Variants in TNFRSF10A observed in about 807,000 individuals in gnomAD.
The protein encoded by TNFRSF10A is tumor necrosis factor receptor superfamily member 10A.
A neutral mutation model predicts 42.8 loss-of-function variants in TNFRSF10A; 44 were observed. The ratio of observed to expected loss-of-function variants is 1.03; its 90% CI spans 0.81 to 1.32. The LOEUF (loss-of-function observed/expected upper bound fraction) is 1.32. Ranked by LOEUF, TNFRSF10A falls within the 40% of genes most tolerant of loss-of-function variation. The probability of loss-of-function intolerance (pLI) is 0.00; values close to 1 mark genes in which losing one functional copy is unlikely to be tolerated. For synonymous variants in TNFRSF10A, 259 were observed against 234.2 expected (o/e 1.11, Z -0.97); for missense variants, 680 against 602.0 (o/e 1.13, Z -1.36).
At chr8:23,201,434 A>C (rs989557682) in intron 4 of TNFRSF10A, among the ~76,000 whole-genome samples, 7 of 152,200 alleles carry the variant, frequency 4.6e-5, no homozygotes, top group Admixed American at 2.0e-4. Context: ...TTAAATATAA[A>C]TATAACCCCA....
At chr8:23,205,618 CT>C (rs1235044174) in intron 2 of TNFRSF10A, among the ~76,000 whole-genome samples, 1 of 151,956 alleles carries the variant, frequency 6.6e-6, no homozygotes, top group Non-Finnish European at 1.5e-5. Context: ...GTGTCTGCCC[CT>C]GAAGATCCTC....
At chr8:23,215,577 T>C (rs897880979) in intron 1 of TNFRSF10A, among the ~76,000 whole-genome samples, 7 of 152,196 alleles carry the variant, frequency 4.6e-5, no homozygotes, top group African/African-American at 1.4e-4. Flanking sequence ...TTCCAATTCA[T>C]AGACAGCTTT....
intron 2 of TNFRSF10A, among the ~76,000 whole-genome samples, chr8:23,210,767 A>G (rs1415506035): frequency 6.6e-6 from 1 of 152,262 alleles, no homozygotes; most frequent in African/African-American, 2.4e-5. Context: ...TTGGTTCAAC[A>G]TCCCAAAATA....
chr8:23,194,144 G>A (rs891957269), intron 9 of TNFRSF10A, among the ~76,000 whole-genome samples: 6 of 152,198 alleles, frequency 3.9e-5, no homozygotes, highest in African/African-American at 1.4e-4. Context: ...TGGTGAGTTT[G>A]TATTACTGTC....
intron 1 of TNFRSF10A, among the ~76,000 whole-genome samples, chr8:23,224,009 T>A (rs1356981518): frequency 6.6e-6 from 1 of 152,028 alleles, no homozygotes; most frequent in Non-Finnish European, 1.5e-5. Flanking sequence ...CCGGGCTGCG[T>A]GTTTAACCAA....
At chr8:23,198,692 G>A (rs1245533335) in intron 8 of TNFRSF10A, among the ~76,000 whole-genome samples, 2 of 152,118 alleles carry the variant, frequency 1.3e-5, no homozygotes, top group Admixed American at 6.5e-5. Context: ...CAACACTAGG[G>A]GGCTGTGTGC....
intron 1 of TNFRSF10A, among the ~76,000 whole-genome samples, chr8:23,214,571 T>C (rs901561963): frequency 1.4e-4 from 21 of 152,234 alleles, no homozygotes; most frequent in African/African-American, 4.8e-4. Context: ...GATTTATAAT[T>C]TCCTTTTATT....
At chr8:23,201,569 T>G (rs1304341259) in intron 4 of TNFRSF10A, among the ~76,000 whole-genome samples, 2 of 151,550 alleles carry the variant, frequency 1.3e-5, no homozygotes, top group South Asian at 2.1e-4. Flanking sequence ...AGGGGACTAG[T>G]GCTGGGGAGG....
intron 1 of TNFRSF10A, among the ~76,000 whole-genome samples, chr8:23,219,229 C>T (rs142956984): frequency 2.6e-5 from 4 of 152,174 alleles, no homozygotes; most frequent in South Asian, 2.1e-4. Flanking sequence ...CCACCAGGCG[C>T]AGACATTCTC....
At chr8:23,223,908 A>G (rs1376849564) in intron 1 of TNFRSF10A, among the ~76,000 whole-genome samples, 1 of 152,218 alleles carries the variant, frequency 6.6e-6, no homozygotes, top group Non-Finnish European at 1.5e-5. Context: ...TTGATGCGCA[A>G]GAAAGTGGCT....
At chr8:23,220,816 G>A (rs575758226) in intron 1 of TNFRSF10A, among the ~76,000 whole-genome samples, 153 of 152,342 alleles carry the variant, frequency 1.0e-3, no homozygotes, top group African/African-American at 3.6e-3. Flanking sequence ...CTGGATACAG[G>A]ACAGAGGACC....
intron 1 of TNFRSF10A, among the ~76,000 whole-genome samples, chr8:23,220,930 G>A (rs1019895050): frequency 5.3e-5 from 8 of 152,186 alleles, no homozygotes; most frequent in African/African-American, 1.7e-4. Flanking sequence ...AACCAGTGCC[G>A]GGTGCCCACC....
intron 8 of TNFRSF10A, 165 bp from the exon 9 acceptor site, chr8:23,197,369 C>A: frequency 1.4e-6 from 1 of 724,962 alleles, no homozygotes; most frequent in African/African-American, 1.8e-5. Flanking sequence ...CACAGCCACT[C>A]CCCATTGCTG....
At chr8:23,215,375 G>T (rs1005406847) in intron 1 of TNFRSF10A, among the ~76,000 whole-genome samples, 13 of 152,104 alleles carry the variant, frequency 8.5e-5, no homozygotes, top group Non-Finnish European at 1.3e-4. Context: ...GGGCGTGGTG[G>T]TGGGCACCTG....
intron 8 of TNFRSF10A, 22 bp from the exon 9 acceptor site, chr8:23,197,226 G>A (rs766309464): frequency 6.2e-7 from 1 of 1,614,016 alleles, no homozygotes; most frequent in South Asian, 1.1e-5. Flanking sequence ...AGTGGGGAAT[G>A]CCTTGGTCTG....
chr8:23,216,289 C>A (rs6557638), intron 1 of TNFRSF10A, among the ~76,000 whole-genome samples: 1 of 151,966 alleles, frequency 6.6e-6, no homozygotes, highest in African/African-American at 2.4e-5. Context: ...AAGTAATGCA[C>A]ACCTCTGAGT....
chr8:23,210,984 G>GA (rs1170930686), intron 2 of TNFRSF10A, among the ~76,000 whole-genome samples: 1 of 152,110 alleles, frequency 6.6e-6, no homozygotes, highest in Admixed American at 6.6e-5. Context: ...GTGAACAACT[G>GA]AAAGATGTTC....
intron 1 of TNFRSF10A, among the ~76,000 whole-genome samples, chr8:23,223,366 C>G (rs1235947764): frequency 6.6e-6 from 1 of 152,214 alleles, no homozygotes; most frequent in African/African-American, 2.4e-5. Flanking sequence ...CGCCTGGCCT[C>G]AAGTATTCTT....
In TNFRSF10A at chr8:23,191,424, G is replaced by T; in HGVS notation, c.*270C>A. 1 of 490,252 alleles carries T rather than the reference G, an allele frequency of 2.0e-6. No homozygotes were observed. The highest frequency in any genetic ancestry group is 3.5e-6 in the Non-Finnish European group (1 of 281,988). The allele number at this position is 490,252 out of a possible 1,614,324, so 30.4% of individuals were successfully genotyped here. The stretch of plus-strand genomic sequence containing the variant: ...AGTGATTCTCCTGCCTCAGCCTCCC[G>T]AGTAGCCGAGAATATATGCACACAC... On this transcript the variant is annotated 3_prime_UTR_variant, in exon 10 of 10. Transcript: ENST00000221132.
Sources: gnomAD v4.1 joint callset for allele counts (sites outside exome capture counted in the v4.1 genomes callset) on GRCh38, gnomAD v4.1.1 for gene constraint, MANE v1.5 for transcripts, NCBI Gene and HGNC (gene_info 2026-07-23, HGNC 2026-07-21) for gene names.